IL1RL1: variants seen among roughly 807,000 people sequenced by gnomAD.
IL1RL1 encodes interleukin-1 receptor-like 1.
IL1RL1 carries 32 observed loss-of-function variants against 50.9 expected under a neutral mutation model. That is an observed-to-expected ratio of 0.63 (90% CI 0.47 to 0.84). The LOEUF (loss-of-function observed/expected upper bound fraction) is 0.84. Among genes scored for constraint, IL1RL1 ranks in the 40% least tolerant of loss-of-function variants. The pLI, the probability that IL1RL1 is intolerant of heterozygous loss-of-function variation, is 0.00. For missense variants in IL1RL1, 773 were observed against 662.9 expected (o/e 1.17, Z -1.82); for synonymous variants, 275 against 236.0 (o/e 1.17, Z -1.51).
intron 1 of IL1RL1, among the ~76,000 whole-genome samples, chr2:102,329,638 A>G (rs560778175): frequency 6.6e-6 from 1 of 152,246 alleles, no homozygotes; most frequent in Non-Finnish European, 1.5e-5. Context: ...AAACAAATTT[A>G]CAAGAAAAAA....
chr2:102,349,720 C>T (rs1677879771), intron 10 of IL1RL1, among the ~76,000 whole-genome samples: 1 of 152,158 alleles, frequency 6.6e-6, no homozygotes, highest in Non-Finnish European at 1.5e-5. Flanking sequence ...CTCACCAGAA[C>T]AAAAAGAACT....
At chr2:102,342,903 C>A in intron 6 of IL1RL1, 133 bp from the exon 7 acceptor site, 1 of 782,418 alleles carries the variant, frequency 1.3e-6, no homozygotes, top group Non-Finnish European at 2.1e-6. Flanking sequence ...GAGGAAGGTG[C>A]TAGAGATGAG....
intron 1 of IL1RL1, among the ~76,000 whole-genome samples, chr2:102,321,909 G>C (rs1004361864): frequency 1.3e-5 from 2 of 152,194 alleles, no homozygotes; most frequent in African/African-American, 4.8e-5. Context: ...ACAGTCCGAA[G>C]TCAAACAACT....
At chr2:102,347,611 C>T (rs540893493) in intron 8 of IL1RL1, among the ~76,000 whole-genome samples, 93 of 152,332 alleles carry the variant, frequency 6.1e-4, no homozygotes, top group Non-Finnish European at 1.2e-3. Flanking sequence ...TCCTCCTCCT[C>T]CAGGAAGGCT....
At chr2:102,332,364 G>A (rs776191415) in intron 1 of IL1RL1, among the ~76,000 whole-genome samples, 17 of 152,174 alleles carry the variant, frequency 1.1e-4, no homozygotes, top group Non-Finnish European at 2.1e-4. Context: ...GACACCGATA[G>A]CAGCATTATT....
intron 1 of IL1RL1, among the ~76,000 whole-genome samples, chr2:102,335,051 G>C (rs1677276180): frequency 6.6e-6 from 1 of 152,178 alleles, no homozygotes. Context: ...GTAGTTATGA[G>C]AAGTCTTAAA....
rs1344122129 is a variant in IL1RL1 at position 102,340,155 on chromosome 2, T to C, written c.330T>C (p.Asp110=). 1 of 1,591,118 alleles carries C rather than the reference T, an allele frequency of 6.3e-7. No homozygotes were observed. ...ANVTIYKKQS[D]CNVPDYLMYS... is the part of the protein sequence containing the mutation. ...TCACCATATATAAAAAACAATCAGA[T>C]TGCAATGTTCCAGATTATTTGATGT... The change falls in exon 4 of 11, where the codon GAT becomes GAC. Residue 110 remains aspartate (D), a synonymous_variant. Transcript: ENST00000233954.
At chr2:102,343,760 G>A (rs1010924059) in intron 8 of IL1RL1, 12 of 1,168,542 alleles carry the variant, frequency 1.0e-5, no homozygotes, top group South Asian at 7.7e-5. Flanking sequence ...TAAACTGAAC[G>A]TGTTCTTTTG....
chr2:102,316,951 G>A, intron 1 of IL1RL1, among the ~76,000 whole-genome samples: 1 of 152,128 alleles, frequency 6.6e-6, no homozygotes, highest in East Asian at 1.9e-4. Flanking sequence ...AACTCGCTCA[G>A]CACTTGTATT....
Position 102,351,532 on chromosome 2 carries a change from C to G in IL1RL1, c.1286-4C>G, listed in dbSNP as rs768583091. The stretch of plus-strand genomic sequence containing the variant: ...GAAATCTGATCTATTTCTTGTATGA[C>G]TAGATGTAGTCACTGCAGTGGAAAC... On this transcript the variant is annotated splice_polypyrimidine_tract_variant and splice_region_variant and intron_variant, in intron 10 of 10. Transcript: ENST00000233954. 27 of 1,610,698 alleles carry G rather than the reference C, an allele frequency of 1.7e-5. No homozygotes were observed. The highest frequency in any genetic ancestry group is 2.3e-5 in the Non-Finnish European group (27 of 1,177,772).
chr2:102,352,228 T>A (rs1448219535), downstream of IL1RL1, among the ~76,000 whole-genome samples: 1 of 118,196 alleles, frequency 8.5e-6, no homozygotes, highest in Non-Finnish European at 1.7e-5. Context: ...TGTCTTGCTT[T>A]GTTTCTCCTC....
At chr2:102,341,439 T>A (rs1205643481) in intron 5 of IL1RL1, 2 of 684,106 alleles carry the variant, frequency 2.9e-6, no homozygotes, top group Non-Finnish European at 3.9e-6. Flanking sequence ...GATTTCACAA[T>A]CATAGCTTAT....
chr2:102,342,619 C>T (rs961543322), intron 6 of IL1RL1, among the ~76,000 whole-genome samples: 9 of 152,180 alleles, frequency 5.9e-5, no homozygotes, highest in Middle Eastern at 3.4e-3. Context: ...TAGCCAGATC[C>T]GGTAAAACAT....
chr2:102,345,782 G>T, intron 8 of IL1RL1: 1 of 985,450 alleles, frequency 1.0e-6, no homozygotes, highest in Non-Finnish European at 1.2e-6. Context: ...AGTGATAAGT[G>T]TGGCACCCCA....
At chr2:102,333,185 A>C (rs769860313) in intron 1 of IL1RL1, among the ~76,000 whole-genome samples, 1 of 150,800 alleles carries the variant, frequency 6.6e-6, no homozygotes, top group Non-Finnish European at 1.5e-5. Flanking sequence ...TGTCTGTTTT[A>C]GGAATATACT....
chr2:102,312,427 G>A (rs929913063), intron 1 of IL1RL1, among the ~76,000 whole-genome samples: 8 of 151,836 alleles, frequency 5.3e-5, no homozygotes, highest in Admixed American at 1.3e-4. Flanking sequence ...TTGGTCCAAC[G>A]TGTTGGAAAA....
chr2:102,323,261 A>AG (rs1676888469), intron 1 of IL1RL1, among the ~76,000 whole-genome samples: 1 of 89,216 alleles, frequency 1.1e-5, no homozygotes. Flanking sequence ...ATATATATAT[A>AG]TATATATATA....
intron 8 of IL1RL1, 110 bp downstream of exon 8, chr2:102,343,525 A>G: frequency 6.3e-7 from 1 of 1,594,206 alleles, no homozygotes; most frequent in South Asian, 1.1e-5. Flanking sequence ...GGCCTGTGCC[A>G]TAAAATGTGC....
chr2:102,338,288 T>C lies in IL1RL1; in HGVS notation c.24T>C (p.Ile8=), dbSNP rs1677405330. ...GAATGGGGTTTTGGATCTTAGCAAT[T>C]CTCACAATTCTCATGTATTCCACAG... MGFWILA[I]LTILMYSTAA... The change falls in exon 2 of 11, where the codon ATT becomes ATC. Residue 8 remains isoleucine (I), a synonymous_variant. Transcript: ENST00000233954. 1 of 1,606,264 alleles carries C rather than the reference T, an allele frequency of 6.2e-7. No homozygotes were observed. The highest frequency in any genetic ancestry group is 1.7e-5 in the Admixed American group (1 of 59,700).
Sources: allele counts gnomAD v4.1 joint callset (sites outside exome capture counted in the v4.1 genomes callset), GRCh38; gene constraint gnomAD v4.1.1; transcripts MANE v1.5; gene names NCBI Gene and HGNC (gene_info 2026-07-23, HGNC 2026-07-21).